The following STN1 variants were observed in gnomAD, a reference collection of about 807,000 sequenced individuals.
The protein encoded by STN1 is CST complex subunit STN1.
In STN1, 29 loss-of-function variants were observed where a neutral mutation model predicts 45.5. That is an observed-to-expected ratio of 0.64 (90% CI 0.47 to 0.87). STN1 has a LOEUF of 0.87. Among genes scored for constraint, STN1 ranks in the 40% least tolerant of loss-of-function variants. The pLI is 0.00. For missense variants in STN1, 376 were observed against 441.4 expected (o/e 0.85, Z 1.33); for synonymous variants, 148 against 159.0 (o/e 0.93, Z 0.52).
At chr10:103,913,178 T>C (rs1309939954) in intron 2 of STN1, among the ~76,000 whole-genome samples, 3 of 152,210 alleles carry the variant, frequency 2.0e-5, no homozygotes, top group East Asian at 1.9e-4. Flanking sequence ...GGGAAAGGCA[T>C]TGAGAAGACT....
At chr10:103,908,325 C>T (rs1229266619) in intron 3 of STN1, among the ~76,000 whole-genome samples, 1 of 152,172 alleles carries the variant, frequency 6.6e-6, no homozygotes, top group Non-Finnish European at 1.5e-5. Context: ...CCTTGGTGCC[C>T]AGAGGTCTGG....
At chr10:103,911,834 C>A (rs1477567282) in intron 2 of STN1, among the ~76,000 whole-genome samples, 1 of 152,196 alleles carries the variant, frequency 6.6e-6, no homozygotes, top group African/African-American at 2.4e-5. Flanking sequence ...AACCCCCAGA[C>A]TGGCCTCTGC....
intron 9 of STN1, among the ~76,000 whole-genome samples, chr10:103,883,437 A>G (rs148092255): frequency 6.6e-6 from 1 of 152,148 alleles, no homozygotes; most frequent in Non-Finnish European, 1.5e-5. Context: ...ACAACAATAC[A>G]AATTCAGAGT....
At chr10:103,891,703 G>C (rs1239529464) in intron 8 of STN1, among the ~76,000 whole-genome samples, 1 of 152,164 alleles carries the variant, frequency 6.6e-6, no homozygotes, top group Non-Finnish European at 1.5e-5. Flanking sequence ...ATCTGTAAAT[G>C]TACAGATAAA....
chr10:103,904,306 A>G (rs1843227401), intron 4 of STN1, among the ~76,000 whole-genome samples: 1 of 152,128 alleles, frequency 6.6e-6, no homozygotes, highest in African/African-American at 2.4e-5. Context: ...CATATTATGA[A>G]CTTAAATTAA....
chr10:103,913,204 A>T (rs1843303190), intron 2 of STN1, among the ~76,000 whole-genome samples: 1 of 152,262 alleles, frequency 6.6e-6, no homozygotes, highest in Non-Finnish European at 1.5e-5. Flanking sequence ...AATGGCACAA[A>T]CCAATGAAGT....
chr10:103,886,472 A>G (rs944743033), intron 9 of STN1, among the ~76,000 whole-genome samples: 2 of 151,948 alleles, frequency 1.3e-5, no homozygotes, highest in Non-Finnish European at 2.9e-5. Context: ...TTCAACATAG[A>G]GCTCTTTTGG....
At position 103,909,416 on chromosome 10, in the gene STN1, G is replaced by GTATATATGTA. The variant is rs1469429629; in HGVS notation, c.229+1101_229+1110dup. The stretch of plus-strand genomic sequence containing the variant: ...TATATATGTATATATATGTATATAT[G>GTATATATGTA]TATATATGTATATATATGTATATAT... On this transcript the variant is annotated intron_variant, in intron 3 of 9. Transcript: ENST00000224950. Among the ~76,000 whole-genome samples the GTATATATGTA allele has an allele frequency of 2.9e-3, 130 of 45,560 alleles. 11 individuals are homozygous for GTATATATGTA. Among genetic ancestry groups the GTATATATGTA allele is most frequent in the African/African-American group, 7.5e-3 (122 of 16,330 alleles). The allele number at this position is 45,560 out of a possible 152,430, so 29.9% of individuals were successfully genotyped here. A position where few individuals can be genotyped will look rare whatever the true frequency, so the allele number is the denominator to read the frequency against.
chr10:103,892,790 C>A (rs961360042), intron 7 of STN1, among the ~76,000 whole-genome samples: 2 of 152,182 alleles, frequency 1.3e-5, no homozygotes, highest in Non-Finnish European at 2.9e-5. Flanking sequence ...GACAGCAGTC[C>A]TGGTGAAGCA....
At chr10:103,899,516 G>A (rs1456520352) in intron 5 of STN1, among the ~76,000 whole-genome samples, 2 of 151,758 alleles carry the variant, frequency 1.3e-5, no homozygotes, top group Admixed American at 1.3e-4. Context: ...ACAACATGGC[G>A]AAACCCCATC....
intron 4 of STN1, among the ~76,000 whole-genome samples, chr10:103,902,758 A>G (rs761429384): frequency 1.3e-5 from 2 of 152,236 alleles, no homozygotes; most frequent in Non-Finnish European, 2.9e-5. Context: ...CCACCTTCCA[A>G]TGGAAAGCTT....
chr10:103,916,168 A>C (rs993752516), intron 2 of STN1, among the ~76,000 whole-genome samples: 1 of 152,244 alleles, frequency 6.6e-6, no homozygotes, highest in African/African-American at 2.4e-5. Context: ...CATTCTCACC[A>C]GTGATAAATC....
intron 3 of STN1, 121 bp downstream of exon 3, chr10:103,910,406 G>C: frequency 1.7e-6 from 1 of 603,012 alleles, no homozygotes. Flanking sequence ...CATAGAGAAA[G>C]TACATGCCCT....
At chr10:103,898,801 G>A (rs569397088) in intron 6 of STN1, 76 bp downstream of exon 6, 13 of 1,568,904 alleles carry the variant, frequency 8.3e-6, no homozygotes, top group Admixed American at 5.1e-5. Context: ...AACCTAGGCC[G>A]ATCCCAGCAT....
rs1843064106 is a variant in STN1 at position 103,880,876 on chromosome 10, T to C, written c.*1808A>G. 6.6e-6 allele frequency among the ~76,000 whole-genome samples: 1 copy of C among 151,932 alleles called. No individual in the cohort carries two copies. The highest frequency in any genetic ancestry group is 1.5e-5 in the Non-Finnish European group (1 of 67,950). On this transcript the variant is annotated 3_prime_UTR_variant, in exon 10 of 10. Transcript: ENST00000224950. ...CTTCCAGGAGAAGGGAGTGGTCGAC[T>C]GTGTGTGTGTATATATATATATATG...
chr10:103,882,630 G>C lies in STN1; in HGVS notation c.*54C>G. On this transcript the variant is annotated 3_prime_UTR_variant, in exon 10 of 10. Transcript: ENST00000224950. Reference sequence around the variant, plus strand: ...TGCATGATGCTGAAAGTCAGAGCCTGGGGGTGAATGCCACCTTATCTTTGT... The same window carrying C: ...TGCATGATGCTGAAAGTCAGAGCCTCGGGGTGAATGCCACCTTATCTTTGT... The C allele has an allele frequency of 6.5e-7, 1 of 1,544,296 alleles. No homozygotes were observed. The highest frequency in any genetic ancestry group is 8.8e-7 in the Non-Finnish European group (1 of 1,139,506).
At chr10:103,905,822 T>C (rs180683554) in intron 3 of STN1, among the ~76,000 whole-genome samples, 1 of 152,360 alleles carries the variant, frequency 6.6e-6, no homozygotes, top group East Asian at 1.9e-4. Context: ...GTCTGGCTTA[T>C]GTTATTCCTG....
chr10:103,915,883 G>C lies in STN1; in HGVS notation c.133+1579C>G, dbSNP rs563721938. Reference sequence around the variant, plus strand: ...ATGAGGCATTAGATTATCCTAAGGAGTGTGCAACTAGATCCCTCACACGTG... The same window carrying C: ...ATGAGGCATTAGATTATCCTAAGGACTGTGCAACTAGATCCCTCACACGTG... On this transcript the variant is annotated intron_variant, in intron 2 of 9. Transcript: ENST00000224950. Among the ~76,000 whole-genome samples the C allele has an allele frequency of 4.6e-5, 7 of 152,126 alleles. 1 individual carries two copies. In the East Asian group the frequency reaches 7.7e-4, roughly 17 times the overall value.
In STN1 at chr10:103,917,375, C is replaced by T. The variant is rs558672199; in HGVS notation, c.133+87G>A. ...AAAGCCTGCAGCAGGGAAGGCTCTCCTAAAAGCCTCTAATCCCAGCTTTCT... is the reference window on the plus strand; with the variant it reads ...AAAGCCTGCAGCAGGGAAGGCTCTCTTAAAAGCCTCTAATCCCAGCTTTCT... On this transcript the variant is annotated intron_variant, in intron 2 of 9. Transcript: ENST00000224950. 39 of 1,344,906 alleles carry T rather than the reference C, an allele frequency of 2.9e-5. No homozygotes were observed. The African/African-American group carries it at 4.7e-4, about 16-fold the overall frequency. 83.3% of individuals were successfully genotyped at this position (1,344,906 alleles called of 1,614,324 possible). A position where few individuals can be genotyped will look rare whatever the true frequency, so the allele number is the denominator to read the frequency against.
Sources: gnomAD v4.1 joint callset for allele counts (sites outside exome capture counted in the v4.1 genomes callset) on GRCh38, gnomAD v4.1.1 for gene constraint, MANE v1.5 for transcripts, NCBI Gene and HGNC (gene_info 2026-07-23, HGNC 2026-07-21) for gene names.